CLUL1: variants seen among roughly 807,000 people sequenced by gnomAD.
The protein encoded by CLUL1 is clusterin like 1.
In CLUL1, 43 loss-of-function variants were observed where a neutral mutation model predicts 49.4. The observed-to-expected ratio is 0.87, with a 90% CI of 0.68 to 1.12. CLUL1 has a LOEUF of 1.12. Among genes scored for constraint, CLUL1 ranks in the 50% most tolerant of loss-of-function variants. The pLI is 0.00. For synonymous variants in CLUL1, 192 were observed against 184.9 expected, an observed-to-expected ratio of 1.04 and a Z score of -0.31; for missense variants, 486 against 544.4, an observed-to-expected ratio of 0.89 and a Z score of 1.07.
intron 2 of CLUL1, chr18:613,004 G>T: frequency 3.5e-6 from 1 of 287,380 alleles, no homozygotes; most frequent in Non-Finnish European, 6.4e-6. Context: ...ATAAATTCTG[G>T]CTTCATGATG....
chr18:641,243 T>C, intron 7 of CLUL1, 84 bp from the exon 8 acceptor site: 3 of 1,096,376 alleles, frequency 2.7e-6, no homozygotes, highest in South Asian at 2.8e-5. Context: ...ATAGAGAATG[T>C]AAGGGCTGGG....
At chr18:649,216 A>G (rs887072206) in intron 9 of CLUL1, among the ~76,000 whole-genome samples, 1 of 152,206 alleles carries the variant, frequency 6.6e-6, no homozygotes, top group Non-Finnish European at 1.5e-5. Context: ...AGATGGTAGA[A>G]AAGAATCACC....
chr18:619,684 A>G (rs2073427463), intron 4 of CLUL1, among the ~76,000 whole-genome samples: 1 of 151,240 alleles, frequency 6.6e-6, no homozygotes, highest in African/African-American at 2.4e-5. Context: ...TTTTTTTACT[A>G]GATCAGTGGT....
chr18:645,732 T>C (rs1339136285), intron 9 of CLUL1, among the ~76,000 whole-genome samples: 1 of 138,766 alleles, frequency 7.2e-6, no homozygotes, highest in Non-Finnish European at 1.5e-5. Flanking sequence ...AGGCAGAGCT[T>C]GCAGTGAGCA....
At chr18:624,085 C>T (rs1433035096) in intron 4 of CLUL1, among the ~76,000 whole-genome samples, 3 of 152,124 alleles carry the variant, frequency 2.0e-5, no homozygotes, top group African/African-American at 4.8e-5. Flanking sequence ...CACCATGGTG[C>T]TGACCCGTGA....
intron 6 of CLUL1, among the ~76,000 whole-genome samples, chr18:631,563 G>A (rs1440600147): frequency 6.6e-6 from 1 of 152,162 alleles, no homozygotes; most frequent in Non-Finnish European, 1.5e-5. Flanking sequence ...ATTGTGCTGT[G>A]GCTGCAGGAT....
intron 8 of CLUL1, 90 bp from the exon 9 acceptor site, chr18:644,820 C>A: frequency 2.1e-6 from 2 of 962,892 alleles, no homozygotes; most frequent in Non-Finnish European, 3.0e-6. Context: ...TCAGCACAAC[C>A]CAGCCTATCC....
chr18:616,566 G>A (rs1395189464), intron 2 of CLUL1: 1 of 182,564 alleles, frequency 5.5e-6, no homozygotes, highest in Non-Finnish European at 1.0e-5. Context: ...GCCCTCTAGT[G>A]TTTTCTTCTG....
chr18:626,091 C>G (rs1242311351), intron 5 of CLUL1, among the ~76,000 whole-genome samples: 1 of 152,082 alleles, frequency 6.6e-6, no homozygotes, highest in Non-Finnish European at 1.5e-5. Context: ...GAGGGAGAGG[C>G]AGACAATCCA....
At position 641,536 on chromosome 18, in the gene CLUL1, A is replaced by G. The variant is rs761168896; in HGVS notation, c.1204A>G (p.Ile402Val). 4.3e-6 allele frequency: 7 copies of G among 1,613,890 alleles called. No homozygotes were observed. The highest frequency in any genetic ancestry group is 3.3e-5 in the South Asian group (3 of 91,066). Residue 402 changes from isoleucine (I) to valine (V), a missense_variant, in exon 8 of 10, where the codon ATA becomes GTA. Ile to Val is a conservative substitution (Grantham distance 29, BLOSUM62 3). Coordinates refer to ENST00000692774, the MANE Select transcript of CLUL1 (RefSeq NM_001393344.1). Reference sequence around the variant, plus strand: ...AGAAACAGAGATCATCTTTAATTCAATACAGGTAAAGGAGAGACCCAAGAG... The same window carrying G: ...AGAAACAGAGATCATCTTTAATTCAGTACAGGTAAAGGAGAGACCCAAGAG... ...APETEIIFNS[I>V]QVVPRIHEGN...
At chr18:647,154 AG>A (rs1400176441) in intron 9 of CLUL1, among the ~76,000 whole-genome samples, 1 of 150,696 alleles carries the variant, frequency 6.6e-6, no homozygotes, top group Non-Finnish European at 1.5e-5. Flanking sequence ...CTGTTCCAAA[AG>A]GGGGGATGGC....
At chr18:627,598 T>C (rs2073848182) in intron 6 of CLUL1, 69 bp downstream of exon 6, 3 of 1,087,846 alleles carry the variant, frequency 2.8e-6, no homozygotes, top group Non-Finnish European at 4.0e-6. Flanking sequence ...GCTTCAGAAA[T>C]GGTAGACATT....
intron 2 of CLUL1, among the ~76,000 whole-genome samples, chr18:609,013 A>G (rs868267604): frequency 7.9e-5 from 12 of 152,320 alleles, no homozygotes; most frequent in African/African-American, 2.4e-4. Context: ...GCGTGACGCC[A>G]AAGTGTTTCA....
intron 7 of CLUL1, among the ~76,000 whole-genome samples, chr18:636,413 C>T (rs929878719): frequency 9.8e-6 from 1 of 101,624 alleles, no homozygotes; most frequent in African/African-American, 4.3e-5. Flanking sequence ...TATTAATATT[C>T]TCCATTATGA....
At position 613,924 on chromosome 18, in the gene CLUL1, G is replaced by A. The variant is rs114578419; in HGVS notation, c.-13-4064G>A. Among the ~76,000 whole-genome samples the A allele has an allele frequency of 4.5e-3, 690 of 152,228 alleles. 6 individuals are homozygous for A. The highest frequency in any genetic ancestry group is 0.015 in the African/African-American group (638 of 41,524). On this transcript the variant is annotated intron_variant, in intron 2 of 9. Coordinates refer to ENST00000692774, the MANE Select transcript of CLUL1 (RefSeq NM_001393344.1). ...TTTACAGGTCATGTCAAATCATTTC[G>A]TACATTCCAGCTATGTACGAGAGCT... is the stretch of plus-strand genomic sequence containing the variant.
At position 619,334 on chromosome 18, in the gene CLUL1, C is replaced by A. The variant is rs769798151; in HGVS notation, c.228C>A (p.Thr76=). Residue 76 remains threonine (T), a synonymous_variant, in exon 4 of 10, where the codon ACC becomes ACA. Coordinates refer to ENST00000692774, the MANE Select transcript of CLUL1 (RefSeq NM_001393344.1). ...AGGAACACACCAATCTAATGAGCAC[C>A]CTGAAGAAATGCAGAGAAGAAAAGC... ...KEKEHTNLMS[T]LKKCREEKQE... The A allele has an allele frequency of 1.9e-6, 3 of 1,612,370 alleles. No individual in the cohort carries two copies. The Admixed American group carries it at 5.0e-5, about 27-fold the overall frequency.
At chr18:613,729 C>G (rs1464407802) in intron 2 of CLUL1, among the ~76,000 whole-genome samples, 6 of 152,210 alleles carry the variant, frequency 3.9e-5, no homozygotes, top group South Asian at 2.1e-4. Flanking sequence ...GCTGGGATTA[C>G]AGGCCTGAGC....
chr18:604,109 G>A (rs976000020), intron 1 of CLUL1, among the ~76,000 whole-genome samples: 4 of 152,190 alleles, frequency 2.6e-5, no homozygotes, highest in Non-Finnish European at 5.9e-5. Context: ...TAGAACTCCT[G>A]GGCTCAAGTG....
intron 2 of CLUL1, among the ~76,000 whole-genome samples, chr18:611,356 G>A (rs1348176381): frequency 2.0e-5 from 3 of 151,804 alleles, no homozygotes; most frequent in African/African-American, 4.8e-5. Flanking sequence ...AAGATCGAGA[G>A]GTTGAAGAAC....
Sources: allele counts gnomAD v4.1 joint callset (sites outside exome capture counted in the v4.1 genomes callset), GRCh38; gene constraint gnomAD v4.1.1; transcripts MANE v1.5; gene names NCBI Gene and HGNC (gene_info 2026-07-23, HGNC 2026-07-21).